LARP1B: variants seen among roughly 807,000 people sequenced by gnomAD.
The protein encoded by LARP1B is La ribonucleoprotein 1B.
LARP1B carries 76 observed loss-of-function variants against 114.2 expected under a neutral mutation model. The observed-to-expected ratio is 0.67, with a 90% CI of 0.55 to 0.81. LARP1B has a LOEUF of 0.81. Ranked by LOEUF, LARP1B falls within the 30% of genes least tolerant of loss-of-function variation. The pLI is 0.00. For missense variants in LARP1B, 1,014 were observed against 1,075.8 expected (o/e 0.94, Z 0.80); for synonymous variants, 345 against 348.0 (o/e 0.99, Z 0.10).
chr4:128,114,942 A>AT lies in LARP1B; in HGVS notation c.1161+213dup, dbSNP rs372891425. On this transcript the variant is annotated intron_variant, in intron 10 of 19. Coordinates refer to ENST00000326639, the MANE Select transcript of LARP1B (RefSeq NM_018078.4). Reference sequence around the variant, plus strand: ...TGTATCAATTTTTAAAATGTTATTTATTTTTTTTTTTTTGAGATGGAGTCT... The same window carrying AT: ...TGTATCAATTTTTAAAATGTTATTTATTTTTTTTTTTTTTGAGATGGAGTCT... Among the ~76,000 whole-genome samples, 733 of 149,890 alleles carry AT rather than the reference A, an allele frequency of 4.9e-3. 3 individuals carry two copies. Among genetic ancestry groups the AT allele is most frequent in the African/African-American group, 0.017 (678 of 40,854 alleles).
chr4:128,206,348 G>A, intron 17 of LARP1B, 80 bp from the exon 18 acceptor site: 1 of 743,290 alleles, frequency 1.3e-6, no homozygotes, highest in Non-Finnish European at 2.1e-6. Flanking sequence ...AGGATTAGTT[G>A]TGCCATGTTT....
intron 11 of LARP1B, among the ~76,000 whole-genome samples, chr4:128,129,669 A>G (rs1790935076): frequency 6.6e-6 from 1 of 152,228 alleles, no homozygotes; most frequent in African/African-American, 2.4e-5. Context: ...GGTACTGGTG[A>G]AAGAATAGAC....
intron 11 of LARP1B, among the ~76,000 whole-genome samples, chr4:128,137,962 A>AAT (rs1295284398): frequency 6.6e-6 from 1 of 151,792 alleles, no homozygotes; most frequent in Non-Finnish European, 1.5e-5. Flanking sequence ...CTAATTTTGG[A>AAT]ATATATATTC....
chr4:128,201,845 G>C (rs1756046573), intron 17 of LARP1B, among the ~76,000 whole-genome samples: 1 of 152,130 alleles, frequency 6.6e-6, no homozygotes, highest in Non-Finnish European at 1.5e-5. Flanking sequence ...AAGGGAAAAA[G>C]ATGATTTTTC....
intron 8 of LARP1B, among the ~76,000 whole-genome samples, chr4:128,103,599 G>C (rs868665345): frequency 7.6e-6 from 1 of 132,138 alleles, no homozygotes; most frequent in Middle Eastern, 4.8e-3. Context: ...GTCTCACTCT[G>C]TCACCCAGGT....
intron 11 of LARP1B, among the ~76,000 whole-genome samples, chr4:128,124,602 G>A (rs969312202): frequency 1.2e-4 from 18 of 152,304 alleles, no homozygotes; most frequent in African/African-American, 3.1e-4. Context: ...AAGGCAGTGT[G>A]ACATCTAATT....
intron 19 of LARP1B, 47 bp from the exon 20 acceptor site, chr4:128,209,809 G>A (rs1269357471): frequency 6.0e-6 from 9 of 1,495,938 alleles, no homozygotes; most frequent in Non-Finnish European, 7.4e-6. Context: ...TCTGAAGGGA[G>A]GAAAAACAGT....
At position 128,091,442 on chromosome 4, in the gene LARP1B, G is replaced by A. The variant is rs772327353; in HGVS notation, c.598G>A (p.Asp200Asn). ...ELNTSMMYYY[D>N]DGTGVQVYPV... ...TAATACCAGTATGATGTATTACTAT[G>A]ATGATGGTACAGGTGTACAGGTGTA... The change falls in exon 7 of 20, where the codon GAT (aspartate) becomes AAT (asparagine). Residue 200 changes from aspartate (D) to asparagine (N), a missense_variant. Transcript: ENST00000326639. 2.5e-6 allele frequency: 4 copies of A among 1,610,732 alleles called. No homozygotes were observed. Among genetic ancestry groups the A allele is most frequent in the Non-Finnish European group, 3.4e-6 (4 of 1,177,082 alleles).
Position 128,082,244 on chromosome 4 carries a change from C to T in LARP1B, c.297C>T (p.Ser99=). 1 of 1,613,456 alleles carries T rather than the reference C, an allele frequency of 6.2e-7. No homozygotes were observed. The highest frequency in any genetic ancestry group is 8.5e-7 in the Non-Finnish European group (1 of 1,179,716). The change falls in exon 5 of 20, where the codon AGC becomes AGT. Residue 99 remains serine, a synonymous_variant. Coordinates refer to ENST00000326639, the MANE Select transcript of LARP1B (RefSeq NM_018078.4). ...ESQERPGSRN[S]SRCQPEANKP... Reference sequence around the variant, plus strand: ...AAGAAAGACCTGGATCCCGGAACAGCTCAAGATGTCAACCTGAAGCAAATA... The same window carrying T: ...AAGAAAGACCTGGATCCCGGAACAGTTCAAGATGTCAACCTGAAGCAAATA...
At chr4:128,143,959 A>G (rs1729242840) in intron 11 of LARP1B, among the ~76,000 whole-genome samples, 1 of 152,144 alleles carries the variant, frequency 6.6e-6, no homozygotes, top group African/African-American at 2.4e-5. Flanking sequence ...ACGAGACTAG[A>G]TAGGATTTGG....
intron 8 of LARP1B, among the ~76,000 whole-genome samples, 191 bp downstream of exon 8, chr4:128,098,521 G>A (rs1450656177): frequency 4.6e-5 from 7 of 151,234 alleles, no homozygotes; most frequent in Non-Finnish European, 8.8e-5. Context: ...TGAAAGTATT[G>A]CTAACGATGT....
intron 1 of LARP1B, chr4:128,069,519 T>A: frequency 1.3e-6 from 1 of 748,990 alleles, no homozygotes; most frequent in South Asian, 1.4e-5. Context: ...GGGAGCCCTG[T>A]GGAGAGCAGA....
chr4:128,071,624 G>C (rs1765401112), intron 1 of LARP1B, among the ~76,000 whole-genome samples: 2 of 151,396 alleles, frequency 1.3e-5, no homozygotes, highest in Admixed American at 1.3e-4. Context: ...GTTTCACCAT[G>C]TTGGCCAGGC....
At chr4:128,103,180 C>T (rs1006480275) in intron 8 of LARP1B, among the ~76,000 whole-genome samples, 1 of 152,044 alleles carries the variant, frequency 6.6e-6, no homozygotes, top group Non-Finnish European at 1.5e-5. Flanking sequence ...TTTTATAACT[C>T]GATGTTTCTT....
chr4:128,107,347 C>G (rs1219893786), intron 9 of LARP1B, 34 bp downstream of exon 9: 1 of 1,610,500 alleles, frequency 6.2e-7, no homozygotes, highest in Admixed American at 1.7e-5. Context: ...AACGATGTAA[C>G]AGTGGGTTAT....
At chr4:128,144,113 C>A (rs191651972) in intron 11 of LARP1B, among the ~76,000 whole-genome samples, 1 of 152,266 alleles carries the variant, frequency 6.6e-6, no homozygotes, top group Non-Finnish European at 1.5e-5. Flanking sequence ...AGCATCCCCC[C>A]ACCCCAATCC....
intron 5 of LARP1B, among the ~76,000 whole-genome samples, chr4:128,088,313 G>A (rs1561141276): frequency 2.0e-5 from 3 of 152,118 alleles, no homozygotes; most frequent in Middle Eastern, 3.4e-3. Flanking sequence ...CCATTGTCTC[G>A]GAAAAAATGA....
intron 7 of LARP1B, among the ~76,000 whole-genome samples, chr4:128,095,364 C>T (rs1777511255): frequency 6.6e-6 from 1 of 151,760 alleles, no homozygotes; most frequent in African/African-American, 2.4e-5. Flanking sequence ...TGGCACACAC[C>T]TGTAGTCCCA....
At chr4:128,089,525 G>A (rs1044010812) in intron 5 of LARP1B, among the ~76,000 whole-genome samples, 6 of 151,942 alleles carry the variant, frequency 3.9e-5, no homozygotes, top group Non-Finnish European at 5.9e-5. Flanking sequence ...TAGTAGAGAT[G>A]GGGTTTTGCC....
Sources: allele counts gnomAD v4.1 joint callset (sites outside exome capture counted in the v4.1 genomes callset), GRCh38; gene constraint gnomAD v4.1.1; transcripts MANE v1.5; gene names NCBI Gene and HGNC (gene_info 2026-07-23, HGNC 2026-07-21).